The following FMNL3 variants were observed in gnomAD, a reference collection of about 807,000 sequenced individuals.
FMNL3 encodes the protein formin-like protein 3.
Under a neutral mutation model 119.6 loss-of-function variants are expected in FMNL3, and 57 were observed. The ratio of observed to expected loss-of-function variants is 0.48; its 90% confidence interval spans 0.39 to 0.59. The LOEUF (loss-of-function observed/expected upper bound fraction) is 0.59, where lower values mean the gene tolerates loss of function less well. Ranked by LOEUF, FMNL3 falls within the 20% of genes least tolerant of loss-of-function variation. The pLI is 0.00. For synonymous variants in FMNL3, 491 were observed against 507.3 expected, an observed-to-expected ratio of 0.97 and a Z score of 0.43; for missense variants, 1,053 against 1,323.5, an observed-to-expected ratio of 0.80 and a Z score of 3.17.
At chr12:49,650,269 C>G (rs1487248167) in intron 17 of FMNL3, among the ~76,000 whole-genome samples, 3 of 152,160 alleles carry the variant, frequency 2.0e-5, no homozygotes, top group Admixed American at 6.6e-5. Flanking sequence ...TTTTAGTACC[C>G]AAGGCACTAT....
chr12:49,649,509 A>G lies in FMNL3; in HGVS notation c.2265T>C (p.Ala755=). The change falls in exon 19 of 26, where the codon GCT becomes GCC. Residue 755 remains alanine (A), a synonymous_variant. Transcript: ENST00000335154. The surrounding 1 kb of genome is among the most constrained non-coding windows in gnomAD (Gnocchi z 5.6). ...PQLNAIIAAS[A]SVKSSQKLKQ... is the part of the protein sequence containing the mutation. The stretch of plus-strand genomic sequence containing the variant: ...TCAGCTTCTGTGAAGACTTGACGGA[A>G]GCGGACGCCGCAATGATGGCATTGA... 1 of 1,614,198 alleles carries G rather than the reference A, an allele frequency of 6.2e-7. No individual in the cohort carries two copies. The highest frequency in any genetic ancestry group is 8.5e-7 in the Non-Finnish European group (1 of 1,180,046).
At chr12:49,658,788 C>T (rs1325599102) in intron 5 of FMNL3, among the ~76,000 whole-genome samples, 194 bp from the exon 6 acceptor site, 2 of 151,766 alleles carry the variant, frequency 1.3e-5, no homozygotes, top group South Asian at 2.1e-4. Context: ...CACAGAACAG[C>T]GGCAGAAGCA....
At chr12:49,669,976 C>T (rs934010496) in intron 1 of FMNL3, among the ~76,000 whole-genome samples, 15 of 152,262 alleles carry the variant, frequency 9.9e-5, no homozygotes, top group African/African-American at 3.6e-4. Flanking sequence ...CCCAAAGTGT[C>T]GCAGCTGCGT....
intron 9 of FMNL3, 47 bp from the exon 10 acceptor site, chr12:49,655,031 C>G (rs199652151): frequency 3.2e-5 from 50 of 1,577,946 alleles, no homozygotes; most frequent in Non-Finnish European, 4.3e-5. Flanking sequence ...CCATGCAGAA[C>G]CCAAGCCCCT....
rs1274315464 is a variant in FMNL3, at chr12:49,637,294, CTT to C, written c.*8519_*8520del. 6 of 604,424 alleles carry C rather than the reference CTT, an allele frequency of 9.9e-6. No individual in the cohort carries two copies. 37.4% of individuals were successfully genotyped at this position (604,424 alleles called of 1,614,324 possible). On this transcript the variant is annotated 3_prime_UTR_variant, in exon 26 of 26. Transcript: ENST00000335154. ...CCCTCTCTGTGTATTTACTTTCTCTCTTTTTGCATTGTTCTCAGCCTTCCATC... is the reference window on the plus strand; with the variant it reads ...CCCTCTCTGTGTATTTACTTTCTCTCTTTGCATTGTTCTCAGCCTTCCATC...
Position 49,641,759 on chromosome 12 carries a change from G to C in FMNL3, c.*4056C>G. 1 of 633,876 alleles carries C rather than the reference G, an allele frequency of 1.6e-6. No individual in the cohort carries two copies. Among genetic ancestry groups the C allele is most frequent in the East Asian group, 2.7e-5 (1 of 36,912 alleles). 39.3% of individuals were successfully genotyped at this position (633,876 alleles called of 1,614,324 possible). ...TTAATTGTCAAGTGATGAGGACTTG[G>C]ATAACTTGGTTTCTAATGCAGACCA... is the stretch of plus-strand genomic sequence containing the variant. On this transcript the variant is annotated 3_prime_UTR_variant, in exon 26 of 26. Transcript: ENST00000335154.
In FMNL3 at chr12:49,645,606, T is replaced by C. The variant is rs887452092; in HGVS notation, c.*209A>G. The stretch of plus-strand genomic sequence containing the variant: ...CCTTCAGGAAATGAAGTCAAAGACC[T>C]TGGGGGCAAAGTGCAGTACTGGAAG... On this transcript the variant is annotated 3_prime_UTR_variant, in exon 26 of 26. Transcript: ENST00000335154. 1.9e-6 allele frequency: 1 copy of C among 521,096 alleles called. No homozygotes were observed. Among genetic ancestry groups the C allele is most frequent in the Non-Finnish European group, 3.3e-6 (1 of 299,230 alleles). 32.3% of individuals were successfully genotyped at this position (521,096 alleles called of 1,614,324 possible). A position where few individuals can be genotyped will look rare whatever the true frequency, so the allele number is the denominator to read the frequency against.
rs1326950240 is a variant in FMNL3, at chr12:49,651,370, G to A, written c.1672+12C>T. 4 of 1,574,954 alleles carry A rather than the reference G, an allele frequency of 2.5e-6. No homozygotes were observed. The highest frequency in any genetic ancestry group is 3.5e-6 in the Non-Finnish European group (4 of 1,152,782). ...TCCCACCAGCCCTGCCCAGAGCCCT[G>A]GGGATACTCACCTGACAGGCCCACT... is the stretch of plus-strand genomic sequence containing the variant. On this transcript the variant is annotated intron_variant, in intron 15 of 25. Transcript: ENST00000335154.
intron 7 of FMNL3, 32 bp downstream of exon 7, chr12:49,657,050 T>C: frequency 1.9e-6 from 3 of 1,596,456 alleles, no homozygotes; most frequent in Non-Finnish European, 1.7e-6. Context: ...GCAGAAGAAG[T>C]AGAGCACCTA....
At chr12:49,702,811 A>C (rs1847115852) in intron 1 of FMNL3, among the ~76,000 whole-genome samples, 1 of 152,150 alleles carries the variant, frequency 6.6e-6, no homozygotes, top group Non-Finnish European at 1.5e-5. Flanking sequence ...GTTCTATTCT[A>C]GCCTGAACTA....
In FMNL3 at chr12:49,642,020, A is replaced by G. The variant is rs763217658; in HGVS notation, c.*3795T>C. The G allele has an allele frequency of 1.9e-6, 3 of 1,612,444 alleles. No individual in the cohort carries two copies. The highest frequency in any genetic ancestry group is 1.7e-5 in the Admixed American group (1 of 60,026). On this transcript the variant is annotated 3_prime_UTR_variant, in exon 26 of 26. Coordinates refer to ENST00000335154, the MANE Select transcript of FMNL3 (RefSeq NM_175736.5). This position sits in a 1 kb window ranked among gnomAD's most constrained non-coding sequence, Gnocchi z 5.8. ...GCAGGCAACATCAAGCTGACCTTCAATAGTGTGAGGGGCTGGGCGGGGCGT... is the reference window on the plus strand; with the variant it reads ...GCAGGCAACATCAAGCTGACCTTCAGTAGTGTGAGGGGCTGGGCGGGGCGT...
In FMNL3 at chr12:49,637,241, C is replaced by A. The variant is rs1941951482; in HGVS notation, c.*8574G>T. 1.7e-6 allele frequency: 1 copy of A among 577,948 alleles called. No homozygotes were observed. The highest frequency in any genetic ancestry group is 1.9e-5 in the African/African-American group (1 of 53,566). The allele number at this position is 577,948 out of a possible 1,614,324, so 35.8% of individuals were successfully genotyped here. A position where few individuals can be genotyped will look rare whatever the true frequency, so the allele number is the denominator to read the frequency against. ...GTTTCTGTTTCTTTGCATCCCGGGACTGGCTTGTTCTCACCTTTTTGTTCT... is the reference window on the plus strand; with the variant it reads ...GTTTCTGTTTCTTTGCATCCCGGGAATGGCTTGTTCTCACCTTTTTGTTCT... On this transcript the variant is annotated 3_prime_UTR_variant, in exon 26 of 26. Coordinates refer to ENST00000335154, the MANE Select transcript of FMNL3 (RefSeq NM_175736.5).
intron 1 of FMNL3, among the ~76,000 whole-genome samples, chr12:49,684,480 A>C (rs1286125406): frequency 6.6e-6 from 1 of 152,234 alleles, no homozygotes; most frequent in African/African-American, 2.4e-5. Context: ...CAATTCTTGG[A>C]AAGAATCAAC....
rs373534691 is a variant in FMNL3, at chr12:49,647,387, G to T, written c.2779-19C>A. 3.7e-6 allele frequency: 6 copies of T among 1,607,642 alleles called. No individual in the cohort carries two copies. Among genetic ancestry groups the T allele is most frequent in the African/African-American group, 1.3e-5 (1 of 74,886 alleles). ...CTGCTTCCTAAGAGCCATGGAAGATGGGGGGTGGGGAGTGAGGCTCATAGG... is the reference window on the plus strand; with the variant it reads ...CTGCTTCCTAAGAGCCATGGAAGATTGGGGGTGGGGAGTGAGGCTCATAGG... On this transcript the variant is annotated intron_variant, in intron 23 of 25. Coordinates refer to ENST00000335154, the MANE Select transcript of FMNL3 (RefSeq NM_175736.5). The surrounding 1 kb of genome is among the most constrained non-coding windows in gnomAD (Gnocchi z 4.9).
At chr12:49,696,833 C>T (rs11169110) in intron 1 of FMNL3, among the ~76,000 whole-genome samples, 3,386 of 152,310 alleles carry the variant, frequency 0.022, 131 homozygotes, top group African/African-American at 0.077. Context: ...ATTATTTTAT[C>T]TGAACCAATA....
chr12:49,674,018 G>A (rs957076417), intron 1 of FMNL3, among the ~76,000 whole-genome samples: 3 of 152,222 alleles, frequency 2.0e-5, no homozygotes, highest in Non-Finnish European at 4.4e-5. Flanking sequence ...CCTTGTGACT[G>A]GCTGGGGTAG....
At chr12:49,675,627 G>A (rs1244339887) in intron 1 of FMNL3, among the ~76,000 whole-genome samples, 1 of 152,154 alleles carries the variant, frequency 6.6e-6, no homozygotes, top group African/African-American at 2.4e-5. Context: ...GTCATCACCT[G>A]GGTGGGCCGT....
chr12:49,640,769 G>A lies in FMNL3; in HGVS notation c.*5046C>T, dbSNP rs1942524583. 2 of 152,220 alleles carry A rather than the reference G, an allele frequency of 1.3e-5. No individual in the cohort carries two copies. Among genetic ancestry groups the A allele is most frequent in the African/African-American group, 4.8e-5 (2 of 41,430 alleles). The allele number at this position is 152,220 out of a possible 1,614,324, so 9.4% of individuals were successfully genotyped here. A position where few individuals can be genotyped will look rare whatever the true frequency, so the allele number is the denominator to read the frequency against. On this transcript the variant is annotated 3_prime_UTR_variant, in exon 26 of 26. Transcript: ENST00000335154. ...CCTTTTCCTTTCTGCTGCATTTCAA[G>A]AGGTTTTGAAACAATGGAAAAGAGC...
chr12:49,700,948 G>A (rs1187997617), intron 1 of FMNL3, among the ~76,000 whole-genome samples: 3 of 150,478 alleles, frequency 2.0e-5, no homozygotes, highest in East Asian at 3.9e-4. Context: ...GCGTGGTGGT[G>A]GGCGTCTGTA....
Sources: allele counts gnomAD v4.1 joint callset (sites outside exome capture counted in the v4.1 genomes callset), GRCh38; gene constraint gnomAD v4.1.1; non-coding constraint Gnocchi (gnomAD v3.1); transcripts MANE v1.5; gene names NCBI Gene and HGNC (gene_info 2026-07-23, HGNC 2026-07-21).